The following ANKS1B variants were observed in gnomAD, a reference collection of about 807,000 sequenced individuals.
The protein encoded by ANKS1B is ankyrin repeat and sterile alpha motif domain containing 1B, also known as ankyrin repeat and sterile alpha motif domain-containing protein 1B.
Under a neutral mutation model 148.3 loss-of-function variants are expected in ANKS1B, and 36 were observed. That is an observed-to-expected ratio of 0.24 (90% confidence interval 0.19 to 0.32). ANKS1B has a LOEUF of 0.32. ANKS1B is among the 10% of genes least tolerant of loss of function. The pLI is 1.00. For missense variants in ANKS1B, 1,157 were observed against 1,542.6 expected, an observed-to-expected ratio of 0.75 and a Z score of 4.19; for synonymous variants, 542 against 560.8, an observed-to-expected ratio of 0.97 and a Z score of 0.47.
chr12:99,233,964 T>C (rs959334151), intron 14 of ANKS1B, among the ~76,000 whole-genome samples: 2 of 152,140 alleles, frequency 1.3e-5, no homozygotes, highest in Non-Finnish European at 2.9e-5. Context: ...AAAAAAATGC[T>C]GAGACAAAAT....
intron 4 of ANKS1B, among the ~76,000 whole-genome samples, chr12:99,789,774 G>A (rs753077144): frequency 3.9e-5 from 6 of 151,980 alleles, no homozygotes; most frequent in African/African-American, 9.7e-5. Context: ...CAGCCATACC[G>A]CCCCAAACGC....
Position 98,744,260 on chromosome 12 carries a change from G to C in ANKS1B, c.*1479C>G. 1 of 945,026 alleles carries C rather than the reference G, an allele frequency of 1.1e-6. No homozygotes were observed. Among genetic ancestry groups the C allele is most frequent in the Non-Finnish European group, 1.3e-6 (1 of 792,906 alleles). 58.5% of individuals were successfully genotyped at this position (945,026 alleles called of 1,614,324 possible). Reference sequence around the variant, plus strand: ...TATTGTATTAAAATTCTTCAACACTGAACTAAAACCGTATACATTTGTTAG... The same window carrying C: ...TATTGTATTAAAATTCTTCAACACTCAACTAAAACCGTATACATTTGTTAG... On this transcript the variant is annotated 3_prime_UTR_variant, in exon 27 of 27. Coordinates refer to ENST00000683438, the MANE Select transcript of ANKS1B (RefSeq NM_001352186.2).
chr12:99,063,766 C>T (rs1390907747), intron 16 of ANKS1B, among the ~76,000 whole-genome samples: 5 of 152,096 alleles, frequency 3.3e-5, no homozygotes, highest in Non-Finnish European at 7.3e-5. Flanking sequence ...CCTGAGTATC[C>T]CATATAATTA....
Position 99,423,622 on chromosome 12 carries a change from G to A in ANKS1B, c.1575+20051C>T, listed in dbSNP as rs192155162. Reference sequence around the variant, plus strand: ...TTGGTAGACTGGATTTAAAAAGTGTGGTACATATACACCATGGAATATTAT... The same window carrying A: ...TTGGTAGACTGGATTTAAAAAGTGTAGTACATATACACCATGGAATATTAT... On this transcript the variant is annotated intron_variant, in intron 11 of 26. Coordinates refer to ENST00000683438, the MANE Select transcript of ANKS1B (RefSeq NM_001352186.2). 3.3e-5 allele frequency among the ~76,000 whole-genome samples: 5 copies of A among 152,072 alleles called. No homozygotes were observed. The East Asian group carries it at 9.7e-4, about 29-fold the overall frequency.
At chr12:99,468,658 A>G (rs900538867) in intron 10 of ANKS1B, among the ~76,000 whole-genome samples, 2 of 152,236 alleles carry the variant, frequency 1.3e-5, no homozygotes, top group African/African-American at 4.8e-5. Context: ...TCAAAAGAAC[A>G]CATTTATGCA....
intron 1 of ANKS1B, among the ~76,000 whole-genome samples, chr12:99,895,314 A>C (rs780890852): frequency 6.7e-6 from 1 of 150,328 alleles, no homozygotes; most frequent in South Asian, 2.1e-4. Flanking sequence ...GGGATAGAGA[A>C]ATCTAGAAAA....
intron 4 of ANKS1B, among the ~76,000 whole-genome samples, chr12:99,784,393 C>T (rs1020311724): frequency 5.3e-5 from 8 of 152,020 alleles, no homozygotes; most frequent in Non-Finnish European, 7.4e-5. Flanking sequence ...AGGATGGTCT[C>T]GATCTCCTGA....
At chr12:99,870,452 C>T (rs193241979) in intron 1 of ANKS1B, among the ~76,000 whole-genome samples, 3 of 152,174 alleles carry the variant, frequency 2.0e-5, no homozygotes, top group African/African-American at 7.2e-5. Flanking sequence ...TGGATATAGA[C>T]CCAGTAATGT....
intron 12 of ANKS1B, among the ~76,000 whole-genome samples, chr12:99,252,189 G>A (rs2074690227): frequency 6.6e-6 from 1 of 152,182 alleles, no homozygotes; most frequent in African/African-American, 2.4e-5. Context: ...TCAAGGCATA[G>A]GAAAGAAGAT....
At chr12:99,653,227 GT>G in intron 9 of ANKS1B, among the ~76,000 whole-genome samples, 1 of 152,230 alleles carries the variant, frequency 6.6e-6, no homozygotes, top group South Asian at 2.1e-4. Context: ...TGTTAGTAAG[GT>G]GGTAGAAAAT....
At chr12:99,443,857 T>C in intron 10 of ANKS1B, 48 bp from the exon 11 acceptor site, 1 of 1,540,734 alleles carries the variant, frequency 6.5e-7, no homozygotes. Flanking sequence ...TCAGTTTACC[T>C]TTTAAGACTT....
intron 12 of ANKS1B, among the ~76,000 whole-genome samples, chr12:99,353,357 T>C (rs1049153139): frequency 2.0e-5 from 3 of 152,040 alleles, no homozygotes; most frequent in African/African-American, 7.2e-5. Context: ...TCCTGGCATA[T>C]GATAAGCACA....
chr12:99,675,423 A>T (rs2098558186), intron 8 of ANKS1B, among the ~76,000 whole-genome samples: 1 of 151,942 alleles, frequency 6.6e-6, no homozygotes, highest in Admixed American at 6.6e-5. Flanking sequence ...AAAAATTGTC[A>T]TTTTATTATT....
chr12:99,621,623 A>G (rs2098051936), intron 9 of ANKS1B, among the ~76,000 whole-genome samples: 1 of 152,044 alleles, frequency 6.6e-6, no homozygotes, highest in African/African-American at 2.4e-5. Context: ...TCAAATAAAA[A>G]AGACTTTAAA....
intron 14 of ANKS1B, among the ~76,000 whole-genome samples, chr12:99,170,907 A>C (rs2077685192): frequency 6.6e-6 from 1 of 152,216 alleles, no homozygotes; most frequent in African/African-American, 2.4e-5. Flanking sequence ...GTAATTAGCA[A>C]AAGGGACAAT....
At chr12:99,295,698 T>G (rs2080775015) in intron 12 of ANKS1B, among the ~76,000 whole-genome samples, 1 of 152,172 alleles carries the variant, frequency 6.6e-6, no homozygotes, top group Non-Finnish European at 1.5e-5. Flanking sequence ...ACAGATTACT[T>G]CACACCCAGG....
intron 9 of ANKS1B, among the ~76,000 whole-genome samples, chr12:99,640,274 C>T (rs2098289072): frequency 6.6e-6 from 1 of 152,132 alleles, no homozygotes; most frequent in Non-Finnish European, 1.5e-5. Context: ...CGTACTTCAT[C>T]CTCCTTGTAG....
chr12:99,911,092 A>G (rs2093991381), intron 1 of ANKS1B, among the ~76,000 whole-genome samples: 1 of 152,150 alleles, frequency 6.6e-6, no homozygotes, highest in Non-Finnish European at 1.5e-5. Flanking sequence ...TTATGAGAAA[A>G]CTGAGATTTA....
chr12:99,221,213 A>G (rs2085081466), intron 14 of ANKS1B, among the ~76,000 whole-genome samples: 1 of 151,994 alleles, frequency 6.6e-6, no homozygotes, highest in East Asian at 1.9e-4. Flanking sequence ...GGTGGCGGGC[A>G]CCTGTAGTCC....
Sources: gnomAD v4.1 joint callset for allele counts (sites outside exome capture counted in the v4.1 genomes callset) on GRCh38, gnomAD v4.1.1 for gene constraint, MANE v1.5 for transcripts, NCBI Gene and HGNC (gene_info 2026-07-23, HGNC 2026-07-21) for gene names.